Variants in DPP10 observed in about 807,000 individuals in gnomAD.
The protein encoded by DPP10 is dipeptidyl peptidase like 10.
Under a neutral mutation model 120.9 loss-of-function variants are expected in DPP10, and 33 were observed. That is an observed-to-expected ratio of 0.27 (90% confidence interval 0.21 to 0.37). DPP10 has a LOEUF of 0.37. Among genes scored for constraint, DPP10 ranks in the 10% least tolerant of loss-of-function variants. The pLI is 1.00. For synonymous variants in DPP10, 337 were observed against 326.1 expected (o/e 1.03, Z -0.36); for missense variants, 816 against 942.8 (o/e 0.87, Z 1.76).
At chr2:115,229,034 C>T (rs926374793) in intron 1 of DPP10, among the ~76,000 whole-genome samples, 1 of 152,116 alleles carries the variant, frequency 6.6e-6, no homozygotes, top group Non-Finnish European at 1.5e-5. Flanking sequence ...TCCTTGCCAG[C>T]ACTTATTACT....
intron 1 of DPP10, among the ~76,000 whole-genome samples, chr2:115,156,798 G>A (rs1325794484): frequency 6.6e-6 from 1 of 152,156 alleles, no homozygotes. Flanking sequence ...CAAATGCGAT[G>A]CCAATGTTTC....
chr2:114,832,522 A>G (rs956805498), intron 1 of DPP10, among the ~76,000 whole-genome samples: 9 of 152,250 alleles, frequency 5.9e-5, no homozygotes, highest in Admixed American at 1.3e-4. Context: ...CGACAGAGCG[A>G]GACTCCGTCT....
chr2:115,690,428 C>T (rs1239036109), intron 7 of DPP10, among the ~76,000 whole-genome samples: 1 of 151,880 alleles, frequency 6.6e-6, no homozygotes, highest in Non-Finnish European at 1.5e-5. Flanking sequence ...TATGTATGTG[C>T]ATGTTTATTT....
At chr2:115,270,500 T>G (rs1296873926) in intron 1 of DPP10, among the ~76,000 whole-genome samples, 3 of 152,082 alleles carry the variant, frequency 2.0e-5, no homozygotes, top group Non-Finnish European at 4.4e-5. Context: ...ACAACACACA[T>G]GAAGAGGGGA....
intron 1 of DPP10, among the ~76,000 whole-genome samples, chr2:114,496,268 A>C (rs115033401): frequency 0.012 from 1,823 of 152,290 alleles, 41 homozygotes; most frequent in African/African-American, 0.04. Context: ...GGCTCTGTTT[A>C]GCTGGTAGCA....
At chr2:115,034,683 A>G (rs1704097192) in intron 1 of DPP10, among the ~76,000 whole-genome samples, 1 of 152,250 alleles carries the variant, frequency 6.6e-6, no homozygotes, top group Admixed American at 6.5e-5. Flanking sequence ...CTTAGTTAAC[A>G]CTAAAATTGC....
chr2:114,998,880 A>G (rs1980007), intron 1 of DPP10, among the ~76,000 whole-genome samples: 98,580 of 152,122 alleles, frequency 0.65, 33,760 homozygotes, highest in Non-Finnish European at 0.77. Context: ...CCTTTCTTCC[A>G]TTGTCTCATA....
intron 1 of DPP10, among the ~76,000 whole-genome samples, chr2:115,222,421 C>T (rs956645194): frequency 3.9e-5 from 6 of 152,094 alleles, no homozygotes; most frequent in Non-Finnish European, 8.8e-5. Flanking sequence ...CAGGTCTTCT[C>T]ATGCTGCTTT....
At chr2:115,498,676 T>G (rs2076528419) in intron 3 of DPP10, among the ~76,000 whole-genome samples, 1 of 137,666 alleles carries the variant, frequency 7.3e-6, no homozygotes. Flanking sequence ...CTATCTTCTC[T>G]TTTACCTAAT....
chr2:114,455,690 T>A (rs1464425629), intron 1 of DPP10, among the ~76,000 whole-genome samples: 1 of 151,758 alleles, frequency 6.6e-6, no homozygotes, highest in East Asian at 1.9e-4. Flanking sequence ...TCTAGGCACC[T>A]ACTCTGTGCC....
intron 3 of DPP10, among the ~76,000 whole-genome samples, chr2:115,378,458 A>G (rs1327091457): frequency 6.6e-6 from 1 of 151,798 alleles, no homozygotes; most frequent in Non-Finnish European, 1.5e-5. Flanking sequence ...TTGGGCTGAG[A>G]CAATGGGGTT....
At chr2:115,663,703 A>G (rs1043473204) in intron 5 of DPP10, among the ~76,000 whole-genome samples, 7 of 152,166 alleles carry the variant, frequency 4.6e-5, no homozygotes, top group Non-Finnish European at 1.0e-4. Context: ...ATATCTACAT[A>G]TAATACATAC....
At chr2:115,806,853 A>G (rs1436681631) in intron 19 of DPP10, among the ~76,000 whole-genome samples, 1 of 150,920 alleles carries the variant, frequency 6.6e-6, no homozygotes, top group African/African-American at 2.4e-5. Context: ...CCCCACCCCC[A>G]GTTCCTGAAG....
chr2:115,840,311 GTTTTTTGGTTTTTTTTT>G (rs1272191253), intron 24 of DPP10, among the ~76,000 whole-genome samples: 4 of 33,242 alleles, frequency 1.2e-4, no homozygotes, highest in South Asian at 1.4e-3. Context: ...CAGATATAAG[GTTTTTTGGTTTTTTTTT>G]TTTTTTTTTT....
chr2:114,993,219 T>A (rs1700848700), intron 1 of DPP10, among the ~76,000 whole-genome samples: 1 of 152,152 alleles, frequency 6.6e-6, no homozygotes, highest in Admixed American at 6.6e-5. Context: ...AACCTACTCC[T>A]AGTATTCCAT....
chr2:114,715,917 A>C (rs1370343948), intron 1 of DPP10, among the ~76,000 whole-genome samples: 1 of 152,110 alleles, frequency 6.6e-6, no homozygotes, highest in Non-Finnish European at 1.5e-5. Flanking sequence ...CGAGTGAGCA[A>C]AATTAAAAAA....
At chr2:114,901,255 T>C (rs1418325241) in intron 1 of DPP10, among the ~76,000 whole-genome samples, 1 of 152,182 alleles carries the variant, frequency 6.6e-6, no homozygotes, top group Non-Finnish European at 1.5e-5. Flanking sequence ...TGGAATGCAG[T>C]GGCATGAACT....
intron 1 of DPP10, among the ~76,000 whole-genome samples, chr2:114,772,022 CT>C (rs1326105807): frequency 6.6e-6 from 1 of 151,896 alleles, no homozygotes; most frequent in African/African-American, 2.4e-5. Flanking sequence ...CTGAGATAAT[CT>C]TTTTCCACAG....
intron 1 of DPP10, among the ~76,000 whole-genome samples, chr2:114,446,087 A>G (rs570247829): frequency 1.8e-4 from 27 of 152,318 alleles, no homozygotes; most frequent in African/African-American, 6.0e-4. Context: ...AATGCTAAAT[A>G]GAGATCAGAT....
Sources: allele counts gnomAD v4.1 joint callset (sites outside exome capture counted in the v4.1 genomes callset), GRCh38; gene constraint gnomAD v4.1.1; transcripts MANE v1.5; gene names NCBI Gene and HGNC (gene_info 2026-07-23, HGNC 2026-07-21).